Variants in WDR49 observed in about 807,000 individuals in gnomAD.
WDR49 encodes the protein WD repeat domain 49.
Under a neutral mutation model 119.5 loss-of-function variants are expected in WDR49, and 107 were observed. The observed-to-expected ratio is 0.90, with a 90% CI of 0.77 to 1.05. WDR49 has a LOEUF of 1.05. Among genes scored for constraint, WDR49 ranks in the 50% least tolerant of loss-of-function variants. The pLI is 0.00. For synonymous variants in WDR49, 425 were observed against 418.8 expected (o/e 1.01, Z -0.18); for missense variants, 1,240 against 1,220.5 (o/e 1.02, Z -0.24).
intron 18 of WDR49, among the ~76,000 whole-genome samples, chr3:167,498,523 G>C (rs1042822889): frequency 1.3e-5 from 2 of 152,036 alleles, no homozygotes; most frequent in African/African-American, 4.8e-5. Context: ...ATGAGTCCAA[G>C]GAACAGAAAA....
At chr3:167,499,240 A>G (rs1487331985) in intron 18 of WDR49, among the ~76,000 whole-genome samples, 1 of 152,232 alleles carries the variant, frequency 6.6e-6, no homozygotes, top group African/African-American at 2.4e-5. Flanking sequence ...GAGACAAAGC[A>G]AAGAGGAGAC....
At chr3:167,632,141 A>T (rs1419374610) in intron 2 of WDR49, among the ~76,000 whole-genome samples, 2 of 152,074 alleles carry the variant, frequency 1.3e-5, no homozygotes, top group African/African-American at 2.4e-5. Flanking sequence ...GGCATCAATC[A>T]ATCTCTTAGA....
chr3:167,534,125 G>T (rs1752941047), intron 11 of WDR49, among the ~76,000 whole-genome samples: 1 of 151,912 alleles, frequency 6.6e-6, no homozygotes, highest in Non-Finnish European at 1.5e-5. Flanking sequence ...AACCCTGGAG[G>T]CAGAGGTTGC....
chr3:167,504,889 C>T (rs184988219), intron 17 of WDR49, among the ~76,000 whole-genome samples: 1 of 152,104 alleles, frequency 6.6e-6, no homozygotes, highest in East Asian at 1.9e-4. Context: ...TGTAGCACCT[C>T]CCCCACTCCC....
At chr3:167,484,116 G>T (rs1016306387) in intron 18 of WDR49, among the ~76,000 whole-genome samples, 2 of 152,108 alleles carry the variant, frequency 1.3e-5, no homozygotes, top group Non-Finnish European at 2.9e-5. Flanking sequence ...GATGTATTAA[G>T]TTGCCTAGGG....
intron 2 of WDR49, among the ~76,000 whole-genome samples, chr3:167,650,562 T>G (rs1718327090): frequency 6.6e-6 from 1 of 152,150 alleles, no homozygotes; most frequent in Non-Finnish European, 1.5e-5. Flanking sequence ...AAATGAGAGA[T>G]AGAACAATTA....
chr3:167,657,574 C>A (rs1322883914), upstream of WDR49, among the ~76,000 whole-genome samples: 1 of 150,332 alleles, frequency 6.7e-6, no homozygotes, highest in Non-Finnish European at 1.5e-5. Context: ...ATAGATCTCC[C>A]TTTTCCTTTT....
At chr3:167,492,145 GT>G (rs78618438) in intron 18 of WDR49, among the ~76,000 whole-genome samples, 23,122 of 143,464 alleles carry the variant, frequency 0.16, 2,053 homozygotes, top group African/African-American at 0.26. Flanking sequence ...GGTAATTGAA[GT>G]TTTTTTTTTT....
intron 8 of WDR49, among the ~76,000 whole-genome samples, chr3:167,562,270 T>G (rs1248482072): frequency 6.6e-6 from 1 of 152,174 alleles, no homozygotes; most frequent in East Asian, 1.9e-4. Flanking sequence ...ACTGGGGTTT[T>G]GGGAGGACCA....
chr3:167,561,152 T>C (rs1195341772), intron 8 of WDR49, among the ~76,000 whole-genome samples: 1 of 152,218 alleles, frequency 6.6e-6, no homozygotes, highest in Non-Finnish European at 1.5e-5. Context: ...TAAATTTAAA[T>C]GCTGCTTTTC....
intron 2 of WDR49, among the ~76,000 whole-genome samples, chr3:167,636,762 C>T (rs932476134): frequency 2.0e-5 from 3 of 151,800 alleles, no homozygotes; most frequent in Admixed American, 6.6e-5. Flanking sequence ...AGCATTTTTT[C>T]ATATGATTGT....
chr3:167,592,025 T>C (rs766828863), intron 7 of WDR49, among the ~76,000 whole-genome samples: 4 of 152,180 alleles, frequency 2.6e-5, no homozygotes, highest in Non-Finnish European at 5.9e-5. Context: ...ACTGGTCATA[T>C]GATTTAGTTT....
chr3:167,639,295 T>C (rs1717768690), intron 2 of WDR49, among the ~76,000 whole-genome samples: 1 of 151,620 alleles, frequency 6.6e-6, no homozygotes, highest in Admixed American at 6.6e-5. Context: ...TAATACCATG[T>C]TGGAGCTAGA....
intron 5 of WDR49, among the ~76,000 whole-genome samples, chr3:167,613,727 C>T (rs573518244): frequency 7.9e-5 from 12 of 152,118 alleles, no homozygotes; most frequent in African/African-American, 2.9e-4. Context: ...GACGGATCAC[C>T]TGAGTTCAGG....
intron 6 of WDR49, among the ~76,000 whole-genome samples, chr3:167,603,934 T>C (rs1453875135): frequency 2.6e-5 from 4 of 152,032 alleles, no homozygotes; most frequent in African/African-American, 7.2e-5. Context: ...GTAGCTGTAG[T>C]AGTAGCAACG....
chr3:167,502,111 A>C (rs1241142701), intron 17 of WDR49, among the ~76,000 whole-genome samples: 1 of 152,086 alleles, frequency 6.6e-6, no homozygotes, highest in African/African-American at 2.4e-5. Flanking sequence ...GGGTTCTCAC[A>C]AGATCTGATG....
intron 5 of WDR49, among the ~76,000 whole-genome samples, chr3:167,604,745 T>C (rs1715962641): frequency 6.6e-6 from 1 of 152,070 alleles, no homozygotes; most frequent in African/African-American, 2.4e-5. Flanking sequence ...GAGTAGAACC[T>C]TCAAGAATGG....
chr3:167,484,385 T>A (rs563807040), intron 18 of WDR49, among the ~76,000 whole-genome samples: 2 of 152,222 alleles, frequency 1.3e-5, no homozygotes, highest in Admixed American at 1.3e-4. Flanking sequence ...ACATGGCACA[T>A]GTATTCATAT....
intron 7 of WDR49, among the ~76,000 whole-genome samples, chr3:167,593,649 T>C (rs1419916718): frequency 6.6e-6 from 1 of 152,048 alleles, no homozygotes; most frequent in African/African-American, 2.4e-5. Flanking sequence ...TTTTCCTGGA[T>C]GGTGTTGGTG....
Sources: allele counts gnomAD v4.1 joint callset (sites outside exome capture counted in the v4.1 genomes callset), GRCh38; gene constraint gnomAD v4.1.1; transcripts MANE v1.5; gene names NCBI Gene and HGNC (gene_info 2026-07-23, HGNC 2026-07-21).